RYR2: variants seen among roughly 807,000 people sequenced by gnomAD.
RYR2 encodes cardiac muscle ryanodine receptor-calcium release channel.
RYR2 carries 227 observed loss-of-function variants against 601.1 expected under a neutral mutation model. The observed-to-expected ratio is 0.38, with a 90% CI of 0.34 to 0.42. The LOEUF (loss-of-function observed/expected upper bound fraction) is 0.42, where lower values mean the gene tolerates loss of function less well. Among genes scored for constraint, RYR2 ranks in the 10% least tolerant of loss-of-function variants. The pLI is 1.00. For missense variants in RYR2, 4,646 were observed against 6,156.5 expected (o/e 0.75, Z 8.21); for synonymous variants, 2,223 against 2,175.1 (o/e 1.02, Z -0.61).
intron 25 of RYR2, among the ~76,000 whole-genome samples, chr1:237,532,779 A>G (rs1310181996): frequency 6.6e-6 from 1 of 152,198 alleles, no homozygotes; most frequent in Admixed American, 6.5e-5. Context: ...GATACAATTC[A>G]ACTTATTTCA....
chr1:237,083,070 A>T (rs1177496283), intron 1 of RYR2, among the ~76,000 whole-genome samples: 1 of 152,170 alleles, frequency 6.6e-6, no homozygotes, highest in Admixed American at 6.5e-5. Flanking sequence ...GGGATGCAGT[A>T]TGGGCCCACT....
At chr1:237,609,745 C>G (rs1316326169) in intron 35 of RYR2, among the ~76,000 whole-genome samples, 1 of 152,020 alleles carries the variant, frequency 6.6e-6, no homozygotes, top group Non-Finnish European at 1.5e-5. Context: ...GATTCTGGTT[C>G]CCCCATTCTA....
intron 98 of RYR2, among the ~76,000 whole-genome samples, chr1:237,804,083 A>G (rs1660323540): frequency 6.6e-6 from 1 of 152,162 alleles, no homozygotes; most frequent in African/African-American, 2.4e-5. Context: ...AACGTTGACC[A>G]GCACTTAGTA....
intron 3 of RYR2, among the ~76,000 whole-genome samples, chr1:237,350,631 A>C (rs188162869): frequency 0.011 from 1,105 of 105,100 alleles, 17 homozygotes; most frequent in East Asian, 0.045. Flanking sequence ...ATATATATAT[A>C]TATCTCTGAC....
intron 27 of RYR2, among the ~76,000 whole-genome samples, chr1:237,565,858 C>T (rs1378046876): frequency 1.3e-5 from 2 of 152,170 alleles, no homozygotes; most frequent in East Asian, 3.9e-4. Context: ...TCAATCTCAC[C>T]TGCATCTCAT....
At chr1:237,497,445 A>C (rs1664192809) in intron 20 of RYR2, among the ~76,000 whole-genome samples, 1 of 152,202 alleles carries the variant, frequency 6.6e-6, no homozygotes, top group African/African-American at 2.4e-5. Context: ...GCTCCATTTA[A>C]AAGCTTAGCT....
chr1:237,280,781 G>GTTTTTTTTTTTTTTTTTTTTTTTTT (rs35115328), intron 2 of RYR2, among the ~76,000 whole-genome samples: 1 of 143,670 alleles, frequency 7.0e-6, no homozygotes, highest in Non-Finnish European at 1.5e-5. Flanking sequence ...CTTCTTACTG[G>GTTTTTTTTTTTTTTTTTTTTTTTTT]TTTTTTTTTT....
intron 17 of RYR2, among the ~76,000 whole-genome samples, chr1:237,481,842 C>T (rs1662147623): frequency 6.7e-6 from 1 of 148,890 alleles, no homozygotes; most frequent in African/African-American, 2.5e-5. Context: ...AAAACCACCT[C>T]CCAAACTCCT....
intron 1 of RYR2, among the ~76,000 whole-genome samples, chr1:237,189,871 T>G (rs1679770298): frequency 9.5e-6 from 1 of 105,760 alleles, no homozygotes; most frequent in Admixed American, 8.8e-5. Flanking sequence ...TGTTTTATTT[T>G]TATTTTTATT....
chr1:237,587,493 C>T (rs1387328654), intron 29 of RYR2, among the ~76,000 whole-genome samples: 1 of 152,016 alleles, frequency 6.6e-6, no homozygotes, highest in African/African-American at 2.4e-5. Context: ...TAAATAAAAA[C>T]CCTGCTGCTG....
intron 82 of RYR2, among the ~76,000 whole-genome samples, chr1:237,759,416 A>G (rs987852965): frequency 6.6e-6 from 1 of 152,156 alleles, no homozygotes; most frequent in African/African-American, 2.4e-5. Flanking sequence ...TCACCTTGGT[A>G]TGGAAACCTG....
rs563146024 is a variant in RYR2 at position 237,610,328 on chromosome 1, G to A, written c.4684-434G>A. The stretch of plus-strand genomic sequence containing the variant: ...GCTAGAGGAAGTGTCTTAAGGACGA[G>A]TTGGGTGACAGAGAACAGATATTGA... On this transcript the variant is annotated intron_variant, in intron 35 of 104. Transcript: ENST00000366574. This position sits in a 1 kb window ranked among gnomAD's most constrained non-coding sequence, Gnocchi z 4.9. Among the ~76,000 whole-genome samples, 5 of 152,326 alleles carry A rather than the reference G, an allele frequency of 3.3e-5. No individual in the cohort carries two copies. Among genetic ancestry groups the A allele is most frequent in the African/African-American group, 1.2e-4 (5 of 41,560 alleles).
intron 84 of RYR2, among the ~76,000 whole-genome samples, chr1:237,768,077 T>C (rs1178152886): frequency 1.3e-5 from 2 of 152,202 alleles, no homozygotes; most frequent in Middle Eastern, 3.2e-3. Context: ...CCTTTAAAAA[T>C]TTGTTAACTT....
At chr1:237,435,959 G>A (rs914464444) in intron 12 of RYR2, among the ~76,000 whole-genome samples, 1 of 152,130 alleles carries the variant, frequency 6.6e-6, no homozygotes, top group African/African-American at 2.4e-5. Flanking sequence ...ATTATGATCA[G>A]GCTGGAATCC....
intron 84 of RYR2, 54 bp from the exon 85 acceptor site, chr1:237,770,753 G>A: frequency 2.2e-5 from 25 of 1,143,944 alleles, no homozygotes; most frequent in Non-Finnish European, 3.2e-5. Context: ...GGACAGAAAG[G>A]GAGCGGCAGG....
intron 29 of RYR2, among the ~76,000 whole-genome samples, chr1:237,574,912 C>T (rs1673073203): frequency 6.6e-6 from 1 of 152,142 alleles, no homozygotes; most frequent in Non-Finnish European, 1.5e-5. Flanking sequence ...GACCTCTGAC[C>T]TACAGAACTA....
intron 31 of RYR2, 60 bp from the exon 32 acceptor site, chr1:237,591,679 T>G: frequency 1.5e-6 from 2 of 1,345,564 alleles, no homozygotes; most frequent in South Asian, 2.5e-5. Flanking sequence ...TATATGCTCA[T>G]ATTTGAAGTA....
intron 1 of RYR2, among the ~76,000 whole-genome samples, chr1:237,095,617 G>A (rs984902751): frequency 2.0e-5 from 3 of 152,226 alleles, no homozygotes; most frequent in Non-Finnish European, 2.9e-5. Flanking sequence ...TGGAGATCAA[G>A]GAGCTAACCT....
Position 237,804,055 on chromosome 1 carries a change from A to T in RYR2, c.14152-2082A>T, listed in dbSNP as rs75682159. ...ATCTTGCTAAAATAAAAAAGAGACC[A>T]TGTGTGCAAATATATTGAACGTTGA... On this transcript the variant is annotated intron_variant, in intron 98 of 104. Coordinates refer to ENST00000366574, the MANE Select transcript of RYR2 (RefSeq NM_001035.3). Among the ~76,000 whole-genome samples the T allele has an allele frequency of 4.1e-3, 631 of 152,270 alleles. 3 individuals carry two copies. In the East Asian group the frequency reaches 0.048, roughly 12 times the overall value.
Sources: gnomAD v4.1 joint callset for allele counts (sites outside exome capture counted in the v4.1 genomes callset) on GRCh38, gnomAD v4.1.1 for gene constraint, Gnocchi (gnomAD v3.1) non-coding constraint, MANE v1.5 for transcripts, NCBI Gene and HGNC (gene_info 2026-07-23, HGNC 2026-07-21) for gene names.